The following CLINT1 variants were observed in gnomAD, a reference collection of about 807,000 sequenced individuals.
CLINT1 encodes clathrin interactor 1, also known as clathrin interacting protein localized in the trans-Golgi region.
CLINT1 carries 15 observed loss-of-function variants against 70.4 expected under a neutral mutation model. The ratio of observed to expected loss-of-function variants is 0.21; its 90% CI spans 0.14 to 0.33. The LOEUF (loss-of-function observed/expected upper bound fraction) is 0.33. CLINT1 is among the 10% of genes least tolerant of loss of function. The pLI is 1.00. For synonymous variants in CLINT1, 227 were observed against 254.7 expected (o/e 0.89, Z 1.04); for missense variants, 615 against 778.1 (o/e 0.79, Z 2.49).
intron 1 of CLINT1, among the ~76,000 whole-genome samples, chr5:157,843,266 C>T (rs913686017): frequency 6.6e-6 from 1 of 152,036 alleles, no homozygotes; most frequent in African/African-American, 2.4e-5. Flanking sequence ...CAGAAAATGC[C>T]TCACAATGAC....
At chr5:157,850,612 CAAAAAAAAA>C (rs67243040) in intron 1 of CLINT1, among the ~76,000 whole-genome samples, 2 of 60,368 alleles carry the variant, frequency 3.3e-5, no homozygotes, top group African/African-American at 6.9e-5. Context: ...GACCCTGTCT[CAAAAAAAAA>C]AAAAAAAAAA....
Position 157,859,086 on chromosome 5 carries a change from C to A in CLINT1, c.-116G>T. ...TCACCGCCGCCCGCCGCCTCGAACT[C>A]CCCCAGTCAGCTCCTTCCTTTGCCA... is the stretch of plus-strand genomic sequence containing the variant. On this transcript the variant is annotated 5_prime_UTR_variant, in exon 1 of 12. Coordinates refer to ENST00000411809, the MANE Select transcript of CLINT1 (RefSeq NM_014666.4). 1 of 1,141,486 alleles carries A rather than the reference C, an allele frequency of 8.8e-7. No homozygotes were observed. The highest frequency in any genetic ancestry group is 1.2e-6 in the Non-Finnish European group (1 of 801,590). The allele number at this position is 1,141,486 out of a possible 1,614,324, so 70.7% of individuals were successfully genotyped here. A position where few individuals can be genotyped will look rare whatever the true frequency, so the allele number is the denominator to read the frequency against.
intron 10 of CLINT1, 21 bp from the exon 11 acceptor site, chr5:157,789,534 G>C: frequency 6.2e-7 from 1 of 1,613,932 alleles, no homozygotes; most frequent in Non-Finnish European, 8.5e-7. Flanking sequence ...AGAGGATTAG[G>C]CTTCTGCAGC....
chr5:157,834,716 G>A (rs972317095), intron 1 of CLINT1, among the ~76,000 whole-genome samples: 3 of 152,092 alleles, frequency 2.0e-5, no homozygotes, highest in African/African-American at 7.2e-5. Context: ...CAACAAAGAT[G>A]CAAAAATGAA....
At chr5:157,839,812 C>T (rs115480492) in intron 1 of CLINT1, among the ~76,000 whole-genome samples, 55 of 151,708 alleles carry the variant, frequency 3.6e-4, no homozygotes, top group African/African-American at 1.3e-3. Context: ...TATGCTTTAC[C>T]ACTAAGTGGA....
At chr5:157,803,788 C>G (rs1762303723) in intron 7 of CLINT1, 69 bp from the exon 8 acceptor site, 3 of 1,130,470 alleles carry the variant, frequency 2.7e-6, no homozygotes, top group Non-Finnish European at 3.7e-6. Flanking sequence ...CTATCCATCT[C>G]TAATTCTCAA....
At chr5:157,839,527 G>A (rs1363596088) in intron 1 of CLINT1, among the ~76,000 whole-genome samples, 1 of 151,884 alleles carries the variant, frequency 6.6e-6, no homozygotes, top group African/African-American at 2.4e-5. Context: ...GCTTGAACCT[G>A]GGAGGTGGAG....
chr5:157,857,834 A>G (rs913109493), intron 1 of CLINT1, among the ~76,000 whole-genome samples: 8 of 152,244 alleles, frequency 5.3e-5, no homozygotes, highest in African/African-American at 1.9e-4. Flanking sequence ...TGTATCAGAC[A>G]AGGCACTGGA....
intron 1 of CLINT1, among the ~76,000 whole-genome samples, chr5:157,839,326 T>G (rs1763536512): frequency 6.6e-6 from 1 of 152,072 alleles, no homozygotes. Context: ...CCAGGCCAGG[T>G]GCGGCGGCTT....
At chr5:157,797,682 G>A (rs1762106921) in intron 8 of CLINT1, among the ~76,000 whole-genome samples, 1 of 152,020 alleles carries the variant, frequency 6.6e-6, no homozygotes, top group South Asian at 2.1e-4. Flanking sequence ...CACCGCCCCT[G>A]GTGGAGTTAG....
At chr5:157,819,954 C>CTGTG (rs1762830884) in intron 1 of CLINT1, among the ~76,000 whole-genome samples, 1 of 152,186 alleles carries the variant, frequency 6.6e-6, no homozygotes, top group African/African-American at 2.4e-5. Context: ...AGCTGAAGGC[C>CTGTG]TGTGTGAGTG....
chr5:157,835,008 G>A (rs993473233), intron 1 of CLINT1, among the ~76,000 whole-genome samples: 32 of 152,134 alleles, frequency 2.1e-4, no homozygotes, highest in African/African-American at 6.0e-4. Flanking sequence ...AGCAAAAAAC[G>A]TGAGTTGTCC....
chr5:157,819,131 A>T (rs1227282744), intron 1 of CLINT1, among the ~76,000 whole-genome samples: 1 of 152,198 alleles, frequency 6.6e-6, no homozygotes, highest in Non-Finnish European at 1.5e-5. Flanking sequence ...AATTTATTAC[A>T]AACACTTCAA....
intron 1 of CLINT1, among the ~76,000 whole-genome samples, chr5:157,830,788 CTCTCTCTCTA>C (rs1489175457): frequency 1.3e-3 from 164 of 128,896 alleles, no homozygotes; most frequent in African/African-American, 4.1e-3. Context: ...CTCTCTCTCT[CTCTCTCTCTA>C]TATATATATA....
chr5:157,805,595 A>G (rs1345664724), intron 7 of CLINT1, among the ~76,000 whole-genome samples: 1 of 152,126 alleles, frequency 6.6e-6, no homozygotes, highest in Non-Finnish European at 1.5e-5. Context: ...CTAGATGGGG[A>G]CAGAGGCACT....
At chr5:157,830,804 A>G (rs1013952711) in intron 1 of CLINT1, among the ~76,000 whole-genome samples, 24 of 145,626 alleles carry the variant, frequency 1.6e-4, no homozygotes, top group Non-Finnish European at 1.5e-4. Flanking sequence ...CTCTATATAT[A>G]TATATATATA....
intron 1 of CLINT1, among the ~76,000 whole-genome samples, chr5:157,854,561 C>T (rs1005018816): frequency 6.6e-6 from 1 of 152,118 alleles, no homozygotes; most frequent in Non-Finnish European, 1.5e-5. Context: ...AGAAACCAGA[C>T]TACTAATCCA....
At chr5:157,858,693 C>A (rs919583977) in intron 1 of CLINT1, among the ~76,000 whole-genome samples, 8 of 152,296 alleles carry the variant, frequency 5.3e-5, no homozygotes, top group Admixed American at 5.2e-4. Context: ...ACGGGAAGGC[C>A]TGGAAAGGAG....
At chr5:157,847,002 C>T (rs933584835) in intron 1 of CLINT1, among the ~76,000 whole-genome samples, 6 of 152,256 alleles carry the variant, frequency 3.9e-5, no homozygotes, top group South Asian at 4.2e-4. Context: ...CTGATGGAGA[C>T]GTACAAAGAG....
Sources: gnomAD v4.1 joint callset for allele counts (sites outside exome capture counted in the v4.1 genomes callset) on GRCh38, gnomAD v4.1.1 for gene constraint, MANE v1.5 for transcripts, NCBI Gene and HGNC (gene_info 2026-07-23, HGNC 2026-07-21) for gene names.